RBFOX1: variants seen among roughly 807,000 people sequenced by gnomAD.
RBFOX1 encodes the protein RNA binding fox-1 homolog 1.
A neutral mutation model predicts 57.7 loss-of-function variants in RBFOX1; 8 were observed. The ratio of observed to expected loss-of-function variants is 0.14; its 90% CI spans 0.08 to 0.25. The LOEUF is 0.25. Ranked by LOEUF, RBFOX1 falls within the 10% of genes least tolerant of loss-of-function variation. The probability of loss-of-function intolerance (pLI) is 1.00; values close to 1 mark genes in which losing one functional copy is unlikely to be tolerated. For synonymous variants in RBFOX1, 326 were observed against 222.4 expected (o/e 1.47, Z -4.15); for missense variants, 611 against 548.5 (o/e 1.11, Z -1.14).
At chr16:7,408,981 C>T (rs1177749761) in intron 4 of RBFOX1, among the ~76,000 whole-genome samples, 1 of 152,176 alleles carries the variant, frequency 6.6e-6, no homozygotes, top group African/African-American at 2.4e-5. Context: ...TTTCTTTTTG[C>T]ATCCCCGCCC....
chr16:5,440,193 C>A (rs191093136), intron 1 of RBFOX1, among the ~76,000 whole-genome samples: 4 of 152,340 alleles, frequency 2.6e-5, no homozygotes, highest in Non-Finnish European at 4.4e-5. Flanking sequence ...TCTATTCACA[C>A]CGCCATAACA....
intron 1 of RBFOX1, among the ~76,000 whole-genome samples, chr16:6,107,551 A>G (rs1233583171): frequency 2.6e-5 from 4 of 152,134 alleles, no homozygotes; most frequent in Non-Finnish European, 5.9e-5. Flanking sequence ...CTTTTCAGAC[A>G]ACATTAGTTC....
chr16:7,292,429 TTATATA>T (rs1194582124), intron 4 of RBFOX1, among the ~76,000 whole-genome samples: 1 of 143,094 alleles, frequency 7.0e-6, no homozygotes, highest in Non-Finnish European at 1.5e-5. Context: ...ATATAAGGTA[TTATATA>T]TAATATATAA....
At position 5,357,603 on chromosome 16, in the gene RBFOX1, G is replaced by A. The variant is rs1036373745; in HGVS notation, c.220-109613G>A. Among the ~76,000 whole-genome samples, 4 of 152,220 alleles carry A rather than the reference G, an allele frequency of 2.6e-5. No individual in the cohort carries two copies. In the East Asian group the frequency reaches 7.7e-4, roughly 29 times the overall value. ...TTCAGCAGGTCCAGGTAGGTTATGT[G>A]ATTCTAAACTTGTAACAAACTCCCA... On this transcript the variant is annotated intron_variant, in intron 1 of 2. Coordinates refer to the RBFOX1 transcript ENST00000585867.
intron 4 of RBFOX1, among the ~76,000 whole-genome samples, chr16:7,343,328 G>T (rs1390301560): frequency 6.6e-6 from 1 of 152,134 alleles, no homozygotes; most frequent in Non-Finnish European, 1.5e-5. Context: ...AGCTGCTATG[G>T]ATCAGTGTCC....
intron 4 of RBFOX1, among the ~76,000 whole-genome samples, chr16:7,443,332 G>C (rs975527398): frequency 6.6e-6 from 1 of 152,028 alleles, no homozygotes; most frequent in Non-Finnish European, 1.5e-5. Flanking sequence ...TTACTGTGCT[G>C]AGTGAATTCC....
intron 4 of RBFOX1, among the ~76,000 whole-genome samples, chr16:7,445,735 G>C (rs1341511940): frequency 3.9e-5 from 6 of 152,134 alleles, no homozygotes. Context: ...TGTTGTTTTT[G>C]TTTTGTCTTT....
In RBFOX1 at chr16:6,509,334, A is replaced by C. The variant is rs146032454; in HGVS notation, c.-63-145269A>C. 4.8e-3 allele frequency among the ~76,000 whole-genome samples: 735 copies of C among 152,336 alleles called. 22 individuals carry two copies. In the East Asian group the frequency reaches 0.094, roughly 20 times the overall value. On this transcript the variant is annotated intron_variant, in intron 2 of 15. Transcript: ENST00000550418. ...TAACGAAAATATGGTACATATACAC[A>C]GTGGACTACTATTCAGCTATAAAAA...
At chr16:7,355,214 C>G (rs1010317919) in intron 4 of RBFOX1, among the ~76,000 whole-genome samples, 3 of 152,156 alleles carry the variant, frequency 2.0e-5, no homozygotes, top group Non-Finnish European at 4.4e-5. Flanking sequence ...GCTTTGTGCT[C>G]CTCGTCCTTC....
chr16:7,178,066 G>C (rs907077415), intron 4 of RBFOX1, among the ~76,000 whole-genome samples: 1 of 152,208 alleles, frequency 6.6e-6, no homozygotes, highest in Non-Finnish European at 1.5e-5. Context: ...GATGCAGAAA[G>C]TCAGTATGTG....
chr16:5,438,283 G>A (rs895913454), intron 1 of RBFOX1, among the ~76,000 whole-genome samples: 2 of 152,158 alleles, frequency 1.3e-5, no homozygotes, highest in African/African-American at 2.4e-5. Flanking sequence ...CAGGGTTGTG[G>A]GTGTGTCTAG....
intron 4 of RBFOX1, among the ~76,000 whole-genome samples, chr16:7,228,672 G>A (rs949408274): frequency 6.6e-6 from 1 of 152,188 alleles, no homozygotes; most frequent in Non-Finnish European, 1.5e-5. Context: ...GATTGGCTGT[G>A]CCTCTCGCTT....
chr16:6,800,052 C>T (rs1203236811), intron 3 of RBFOX1, among the ~76,000 whole-genome samples: 1 of 152,162 alleles, frequency 6.6e-6, no homozygotes, highest in Non-Finnish European at 1.5e-5. Flanking sequence ...TCTAAGATAA[C>T]TTCTGGGCAT....
At chr16:6,381,782 G>C (rs535991181) in intron 2 of RBFOX1, among the ~76,000 whole-genome samples, 1 of 152,212 alleles carries the variant, frequency 6.6e-6, no homozygotes, top group Non-Finnish European at 1.5e-5. Context: ...GGTCTGCCCT[G>C]TGTCCCTCGG....
chr16:7,668,381 A>G (rs1055117027), intron 13 of RBFOX1, among the ~76,000 whole-genome samples: 2 of 152,178 alleles, frequency 1.3e-5, no homozygotes, highest in Admixed American at 6.5e-5. Flanking sequence ...ATGATCACAG[A>G]TATCTTGAAA....
intron 1 of RBFOX1, among the ~76,000 whole-genome samples, chr16:6,083,501 G>A (rs1330575653): frequency 1.3e-5 from 2 of 152,004 alleles, no homozygotes; most frequent in Non-Finnish European, 2.9e-5. Flanking sequence ...TTTTGAGATA[G>A]GGTCTTGCTT....
intron 3 of RBFOX1, among the ~76,000 whole-genome samples, chr16:6,843,443 C>G (rs1037136835): frequency 1.3e-5 from 2 of 152,122 alleles, no homozygotes; most frequent in Non-Finnish European, 2.9e-5. Flanking sequence ...AATCCCAGTA[C>G]TTTGGGAGGC....
chr16:5,660,225 G>C (rs144379250), intron 3 of RBFOX1, among the ~76,000 whole-genome samples: 1 of 152,256 alleles, frequency 6.6e-6, no homozygotes, highest in South Asian at 2.1e-4. Context: ...TTGAGTGTCT[G>C]GTATTAAATG....
intron 1 of RBFOX1, among the ~76,000 whole-genome samples, chr16:6,191,493 G>A (rs918034017): frequency 6.6e-6 from 1 of 152,236 alleles, no homozygotes; most frequent in African/African-American, 2.4e-5. Flanking sequence ...TGTTTACCAT[G>A]CCCCACTTTA....
Sources: allele counts gnomAD v4.1 joint callset (sites outside exome capture counted in the v4.1 genomes callset), GRCh38; gene constraint gnomAD v4.1.1; transcripts MANE v1.5; gene names NCBI Gene and HGNC (gene_info 2026-07-23, HGNC 2026-07-21).